METTL13: variants seen among roughly 807,000 people sequenced by gnomAD.
METTL13 encodes eEF1A lysine and N-terminal methyltransferase.
Under a neutral mutation model 67.4 loss-of-function variants are expected in METTL13, and 52 were observed. That is an observed-to-expected ratio of 0.77 (90% CI 0.62 to 0.97). The LOEUF (loss-of-function observed/expected upper bound fraction) is 0.97, where lower values mean the gene tolerates loss of function less well. Among genes scored for constraint, METTL13 ranks in the 50% least tolerant of loss-of-function variants. The probability of loss-of-function intolerance (pLI) is 0.00; values close to 1 mark genes in which losing one functional copy is unlikely to be tolerated. For synonymous variants in METTL13, 354 were observed against 353.6 expected (o/e 1.00, Z -0.01); for missense variants, 825 against 889.6 (o/e 0.93, Z 0.92).
chr1:171,782,191 C>T (rs1302805889), intron 1 of METTL13, 71 bp downstream of exon 1: 4 of 1,350,952 alleles, frequency 3.0e-6, no homozygotes, highest in African/African-American at 2.9e-5. Context: ...GAATCTTGCA[C>T]TTGGTGGACA....
Position 171,794,382 on chromosome 1 carries a change from C to G in METTL13, c.1694-14C>G, listed in dbSNP as rs909958. 8.7e-6 allele frequency: 14 copies of G among 1,613,710 alleles called. No individual in the cohort carries two copies. Among genetic ancestry groups the G allele is most frequent in the African/African-American group, 1.3e-5 (1 of 74,860 alleles). ...TCCAGCAAAGACAAGGACTTGTTTC[C>G]TTCTTTTTCCCAGCACGGCCTTGCT... On this transcript the variant is annotated splice_polypyrimidine_tract_variant and intron_variant, in intron 6 of 7. Coordinates refer to ENST00000361735, the MANE Select transcript of METTL13 (RefSeq NM_015935.5).
In METTL13 at chr1:171,790,564, C is replaced by A. The variant is rs1214437752; in HGVS notation, c.1422C>A (p.His474Gln). Residue 474 changes from histidine to glutamine, a missense_variant, in exon 5 of 8, where the codon CAC becomes CAA. Transcript: ENST00000361735. ...AGAGTTACCTGTGTTGTGAACACCA[C>A]AAAGCCATGATCGCTGGCCTTGCCC... is the stretch of plus-strand genomic sequence containing the variant. ...IDKSYLCCEHHKAMIAGLALL... is the reference protein window; with the variant it reads ...IDKSYLCCEHQKAMIAGLALL... The A allele has an allele frequency of 1.2e-6, 2 of 1,608,662 alleles. No homozygotes were observed. Among genetic ancestry groups the A allele is most frequent in the Middle Eastern group, 1.6e-4 (1 of 6,066 alleles).
intron 5 of METTL13, among the ~76,000 whole-genome samples, chr1:171,791,417 A>G (rs1657201041): frequency 6.6e-6 from 1 of 152,198 alleles, no homozygotes; most frequent in Admixed American, 6.5e-5. Context: ...TGTAATCATG[A>G]GCAAGATTGT....
Position 171,793,051 on chromosome 1 carries a change from G to A in METTL13, c.1693+816G>A, listed in dbSNP as rs990745357. 3.9e-5 allele frequency among the ~76,000 whole-genome samples: 6 copies of A among 152,264 alleles called. No individual in the cohort carries two copies. The South Asian group carries it at 1.0e-3, about 26-fold the overall frequency. On this transcript the variant is annotated intron_variant, in intron 6 of 7. Transcript: ENST00000361735. The stretch of plus-strand genomic sequence containing the variant: ...CTGCTGGTGAGTTTAGTACTTTCTG[G>A]AGCTCGAGTCCTTCGGGGAGAAGGC...
chr1:171,781,925 G>C lies in METTL13; in HGVS notation c.-43G>C. On this transcript the variant is annotated 5_prime_UTR_variant, in exon 1 of 8. Transcript: ENST00000361735. ...CAAGCTCCTCAAATGGTATCTCACA[G>C]GGAATAGGGGAGTCTTGAAAACGCA... The C allele has an allele frequency of 6.2e-7, 1 of 1,609,758 alleles. No homozygotes were observed. The highest frequency in any genetic ancestry group is 8.5e-7 in the Non-Finnish European group (1 of 1,177,410).
chr1:171,795,436 C>T (rs1206970365), intron 7 of METTL13, among the ~76,000 whole-genome samples: 2 of 152,174 alleles, frequency 1.3e-5, no homozygotes, highest in African/African-American at 4.8e-5. Context: ...GTAGATGCTA[C>T]CACACAGTTT....
Position 171,787,901 on chromosome 1 carries a change from C to T in METTL13, c.1280C>T (p.Ala427Val), listed in dbSNP as rs1489679727. 3 of 1,613,762 alleles carry T rather than the reference C, an allele frequency of 1.9e-6. No individual in the cohort carries two copies. Among genetic ancestry groups the T allele is most frequent in the African/African-American group, 2.7e-5 (2 of 74,918 alleles). Reference protein sequence around the residue: ...LSNRNVVQSEARLLKDVSHKA... With the variant: ...LSNRNVVQSEVRLLKDVSHKA... Reference sequence around the variant, plus strand: ...AACAGGAATGTGGTGCAGTCCGAAGCCAGGTTGCTGAAGGATGTGTCTCAC... The same window carrying T: ...AACAGGAATGTGGTGCAGTCCGAAGTCAGGTTGCTGAAGGATGTGTCTCAC... Residue 427 changes from alanine to valine, a missense_variant, in exon 4 of 8, where the codon GCC becomes GTC. Physicochemically the swap from Ala to Val is moderately conservative, Grantham distance 64. Transcript: ENST00000361735.
Position 171,784,039 on chromosome 1 carries a change from G to C in METTL13, c.453G>C (p.Gln151His). The C allele has an allele frequency of 6.2e-7, 1 of 1,614,240 alleles. No individual in the cohort carries two copies. The change falls in exon 2 of 8, where the codon CAG becomes CAC. Residue 151 changes from glutamine (Q) to histidine (H), a missense_variant. Coordinates refer to ENST00000361735, the MANE Select transcript of METTL13 (RefSeq NM_015935.5). ...TGGCTGAGGTTGGCCGTGTCCTGCA[G>C]GTGGGCGGTCGCTATCTCTGCATCT... ...RMLAEVGRVL[Q>H]VGGRYLCISL... is the part of the protein sequence containing the mutation.
At position 171,792,051 on chromosome 1, in the gene METTL13, C is replaced by T. The variant is rs2232822; in HGVS notation, c.1509C>T (p.Gly503=). 1.3e-3 allele frequency: 2,123 copies of T among 1,612,852 alleles called. 27 individuals carry two copies. The African/African-American group carries it at 0.025, about 19-fold the overall frequency. The change falls in exon 6 of 8, where the codon GGC becomes GGT. Residue 503 remains glycine (G), a synonymous_variant. Coordinates refer to ENST00000361735, the MANE Select transcript of METTL13 (RefSeq NM_015935.5). The part of the protein sequence containing the change: ...IPLALLVVGL[G]GGSLPLFVHD... ...TGGCATTGTTGGTGGTAGGCCTGGG[C>T]GGGGGCAGCCTCCCCCTCTTTGTCC...
intron 5 of METTL13, 112 bp downstream of exon 5, chr1:171,790,728 A>G: frequency 8.8e-7 from 1 of 1,134,226 alleles, no homozygotes; most frequent in Non-Finnish European, 1.2e-6. Context: ...CTGACAATGT[A>G]TCTTTCTTCA....
rs1296945112 is a variant in METTL13 at position 171,784,225 on chromosome 1, G to T, written c.639G>T (p.Arg213Ser). The change falls in exon 2 of 8, where the codon AGG becomes AGT. Residue 213 changes from arginine (R) to serine (S), a missense_variant. Transcript: ENST00000361735. Reference protein sequence around the residue: ...PVFAFIMTKFRPVPGSALQIF... With the variant: ...PVFAFIMTKFSPVPGSALQIF... ...TTGCCTTCATCATGACCAAGTTCAG[G>T]CCAGTCCCTGGCTCTGCCCTTCAGA... The T allele has an allele frequency of 2.5e-6, 4 of 1,613,940 alleles. No homozygotes were observed. The African/African-American group carries it at 5.3e-5, about 22-fold the overall frequency.
rs1657387084 is a variant in METTL13 at position 171,796,620 on chromosome 1, A to G, written c.1964A>G (p.His655Arg). The G allele has an allele frequency of 1.9e-6, 3 of 1,614,042 alleles. No homozygotes were observed. In the African/African-American group the frequency reaches 4.0e-5, roughly 22 times the overall value. ...EVNEILFCQL[H>R]PEQKLATPEL... ...AATGAGATCCTGTTCTGTCAGCTGC[A>G]CCCTGAGCAAAAACTTGCCACACCA... Residue 655 changes from histidine to arginine, a missense_variant, in exon 8 of 8, where the codon CAC becomes CGC. Transcript: ENST00000361735.
Position 171,792,078 on chromosome 1 carries a change from C to T in METTL13, c.1536C>T (p.His512=), listed in dbSNP as rs2232823. 9.6e-4 allele frequency: 1,543 copies of T among 1,613,666 alleles called. 17 individuals carry two copies. The East Asian group carries it at 0.024, about 25-fold the overall frequency. ...GGGGCAGCCTCCCCCTCTTTGTCCA[C>T]GATCATTTTCCAAAGTCCTGCATTG... The part of the protein sequence containing the change: ...LGGGSLPLFV[H]DHFPKSCIDA... Residue 512 remains histidine (H), a synonymous_variant, in exon 6 of 8, where the codon CAC becomes CAT. Coordinates refer to ENST00000361735, the MANE Select transcript of METTL13 (RefSeq NM_015935.5).
intron 3 of METTL13, among the ~76,000 whole-genome samples, 164 bp from the exon 4 acceptor site, chr1:171,787,571 C>G (rs1174056759): frequency 6.6e-6 from 1 of 152,188 alleles, no homozygotes; most frequent in Non-Finnish European, 1.5e-5. Flanking sequence ...GAGATCAGTT[C>G]AAAGGCTCCA....
rs187126777 is a variant in METTL13, at chr1:171,791,590, C to T, written c.1475-427C>T. Among the ~76,000 whole-genome samples the T allele has an allele frequency of 7.2e-5, 11 of 152,214 alleles. No individual in the cohort carries two copies. The South Asian group carries it at 1.2e-3, about 17-fold the overall frequency. On this transcript the variant is annotated intron_variant, in intron 5 of 7. Coordinates refer to ENST00000361735, the MANE Select transcript of METTL13 (RefSeq NM_015935.5). ...TCCTTAGGCTCCCACGTCAGCTTACCGTGTAGCTGGTACCACAGGTGTGTG... is the reference window on the plus strand; with the variant it reads ...TCCTTAGGCTCCCACGTCAGCTTACTGTGTAGCTGGTACCACAGGTGTGTG...
At chr1:171,795,165 T>C (rs1179534408) in intron 7 of METTL13, among the ~76,000 whole-genome samples, 1 of 152,190 alleles carries the variant, frequency 6.6e-6, no homozygotes, top group Non-Finnish European at 1.5e-5. Flanking sequence ...TCACTCAACA[T>C]GATGTTTGTG....
intron 6 of METTL13, among the ~76,000 whole-genome samples, chr1:171,793,570 C>A (rs1657273690): frequency 6.6e-6 from 1 of 152,184 alleles, no homozygotes; most frequent in Non-Finnish European, 1.5e-5. Context: ...ATGCAGCAGT[C>A]CTAATTAAAT....
chr1:171,783,668 A>T lies in METTL13; in HGVS notation c.154-72A>T. 4 of 1,515,864 alleles carry T rather than the reference A, an allele frequency of 2.6e-6. No individual in the cohort carries two copies. The South Asian group carries it at 4.0e-5, about 15-fold the overall frequency. 93.9% of individuals were successfully genotyped at this position (1,515,864 alleles called of 1,614,324 possible). On this transcript the variant is annotated intron_variant, in intron 1 of 7. Coordinates refer to ENST00000361735, the MANE Select transcript of METTL13 (RefSeq NM_015935.5). ...TGTGACTCAGCCAAGGTGAGACTTG[A>T]TTCCTTGAAGTACCTGAAGTACAGT...
chr1:171,786,278 G>A (rs1006427979), intron 3 of METTL13, among the ~76,000 whole-genome samples, 200 bp downstream of exon 3: 4 of 152,216 alleles, frequency 2.6e-5, no homozygotes, highest in East Asian at 1.9e-4. Context: ...GCACAGTAGC[G>A]TCTGTGTCTG....
Sources: allele counts gnomAD v4.1 joint callset (sites outside exome capture counted in the v4.1 genomes callset), GRCh38; gene constraint gnomAD v4.1.1; transcripts MANE v1.5; gene names NCBI Gene and HGNC (gene_info 2026-07-23, HGNC 2026-07-21).